The following CNTNAP2 variants were observed in gnomAD, a reference collection of about 807,000 sequenced individuals.
CNTNAP2 encodes contactin-associated protein-like 2.
Under a neutral mutation model 155.2 loss-of-function variants are expected in CNTNAP2, and 98 were observed. That is an observed-to-expected ratio of 0.63 (90% CI 0.54 to 0.75). CNTNAP2 has a LOEUF of 0.75. Ranked by LOEUF, CNTNAP2 falls within the 30% of genes least tolerant of loss-of-function variation. The pLI, the probability that CNTNAP2 is intolerant of heterozygous loss-of-function variation, is 0.00. For missense variants in CNTNAP2, 1,727 were observed against 1,688.1 expected (o/e 1.02, Z -0.40); for synonymous variants, 651 against 631.2 (o/e 1.03, Z -0.47).
chr7:147,414,211 G>A (rs10261599), intron 10 of CNTNAP2, among the ~76,000 whole-genome samples: 9 of 151,736 alleles, frequency 5.9e-5, no homozygotes, highest in Admixed American at 6.6e-5. Context: ...GATCGCTTGC[G>A]ATCAGGAGTT....
At chr7:146,746,308 T>C (rs1005974505) in intron 1 of CNTNAP2, among the ~76,000 whole-genome samples, 2 of 152,320 alleles carry the variant, frequency 1.3e-5, no homozygotes, top group Non-Finnish European at 2.9e-5. Context: ...AAGTATTTTG[T>C]TTCTATTTGC....
At chr7:146,465,308 AG>A (rs1210543472) in intron 1 of CNTNAP2, among the ~76,000 whole-genome samples, 1 of 152,196 alleles carries the variant, frequency 6.6e-6, no homozygotes, top group East Asian at 1.9e-4. Context: ...AAAATGTGGC[AG>A]GGTAGCAAAA....
intron 13 of CNTNAP2, among the ~76,000 whole-genome samples, chr7:147,640,914 G>A (rs1338742996): frequency 6.6e-6 from 1 of 152,152 alleles, no homozygotes; most frequent in Admixed American, 6.5e-5. Context: ...CGTTATTCAC[G>A]TAGCCCAGGG....
chr7:147,509,139 A>G (rs145292957), intron 11 of CNTNAP2, among the ~76,000 whole-genome samples: 1 of 152,164 alleles, frequency 6.6e-6, no homozygotes, highest in East Asian at 1.9e-4. Context: ...TCTTTTACTT[A>G]ATTATCATTG....
intron 13 of CNTNAP2, among the ~76,000 whole-genome samples, chr7:147,640,086 T>G (rs28375513): frequency 0.027 from 4,181 of 152,166 alleles, 194 homozygotes; most frequent in African/African-American, 0.095. Context: ...GTGACTTTGG[T>G]GGAGTGAGTT....
At chr7:147,275,256 A>G (rs1464264268) in intron 8 of CNTNAP2, among the ~76,000 whole-genome samples, 1 of 152,028 alleles carries the variant, frequency 6.6e-6, no homozygotes, top group Non-Finnish European at 1.5e-5. Context: ...GGGGCAGTAT[A>G]GTCATTTTAA....
chr7:147,184,544 C>G (rs1026395932), intron 8 of CNTNAP2, among the ~76,000 whole-genome samples: 8 of 152,150 alleles, frequency 5.3e-5, no homozygotes, highest in African/African-American at 9.7e-5. Flanking sequence ...CTGAACCAGA[C>G]TGAAAACACA....
At chr7:148,085,545 T>C (rs191060035) in intron 15 of CNTNAP2, among the ~76,000 whole-genome samples, 1 of 152,222 alleles carries the variant, frequency 6.6e-6, no homozygotes, top group Non-Finnish European at 1.5e-5. Flanking sequence ...CCCGTGTTTT[T>C]CAGCTCCCAA....
At chr7:147,386,524 G>A (rs899059026) in intron 9 of CNTNAP2, among the ~76,000 whole-genome samples, 2 of 152,058 alleles carry the variant, frequency 1.3e-5, no homozygotes, top group African/African-American at 4.8e-5. Flanking sequence ...AATCTCTAGG[G>A]CAGGGGCAAA....
At chr7:146,503,212 TTTTG>T (rs1262340948) in intron 1 of CNTNAP2, among the ~76,000 whole-genome samples, 14 of 152,204 alleles carry the variant, frequency 9.2e-5, no homozygotes, top group Admixed American at 8.5e-4. Context: ...CATGTAATTT[TTTTG>T]TTTGTTTCTT....
At chr7:146,677,327 G>A (rs1189912266) in intron 1 of CNTNAP2, among the ~76,000 whole-genome samples, 2 of 152,180 alleles carry the variant, frequency 1.3e-5, no homozygotes, top group Non-Finnish European at 1.5e-5. Context: ...GTGATAAGGG[G>A]TTATAGAGAC....
intron 1 of CNTNAP2, among the ~76,000 whole-genome samples, chr7:146,560,614 C>T (rs1798266463): frequency 6.6e-6 from 1 of 151,972 alleles, no homozygotes; most frequent in Non-Finnish European, 1.5e-5. Flanking sequence ...AGAATCCTGC[C>T]ATATTAGAGT....
At chr7:147,883,793 A>G (rs1320563182) in intron 13 of CNTNAP2, among the ~76,000 whole-genome samples, 1 of 152,222 alleles carries the variant, frequency 6.6e-6, no homozygotes, top group African/African-American at 2.4e-5. Context: ...TGAAAAAAGA[A>G]ATAGAATAAT....
chr7:146,762,970 G>T (rs1394252986), intron 1 of CNTNAP2, among the ~76,000 whole-genome samples: 2 of 152,096 alleles, frequency 1.3e-5, no homozygotes, highest in Non-Finnish European at 2.9e-5. Flanking sequence ...TGCGATTTGG[G>T]TGGGGACACT....
At chr7:148,174,731 A>T (rs985918913) in intron 18 of CNTNAP2, among the ~76,000 whole-genome samples, 1 of 152,166 alleles carries the variant, frequency 6.6e-6, no homozygotes, top group African/African-American at 2.4e-5. Flanking sequence ...GAGGATAAAA[A>T]TACTAGTATT....
At chr7:146,630,015 G>T (rs1398386995) in intron 1 of CNTNAP2, among the ~76,000 whole-genome samples, 1 of 151,610 alleles carries the variant, frequency 6.6e-6, no homozygotes, top group Non-Finnish European at 1.5e-5. Context: ...AAGTTCTGGG[G>T]TACATGTGCA....
At chr7:147,665,125 A>C (rs937993681) in intron 13 of CNTNAP2, among the ~76,000 whole-genome samples, 1 of 152,008 alleles carries the variant, frequency 6.6e-6, no homozygotes, top group African/African-American at 2.4e-5. Context: ...ACCCCTTATA[A>C]CCCTTTCTGA....
intron 10 of CNTNAP2, among the ~76,000 whole-genome samples, chr7:147,412,322 C>T (rs1797118224): frequency 6.6e-6 from 1 of 152,144 alleles, no homozygotes; most frequent in South Asian, 2.1e-4. Flanking sequence ...GGGGCCCCTG[C>T]CTGTACTGAT....
chr7:146,534,519 A>G (rs1563123197), intron 1 of CNTNAP2, among the ~76,000 whole-genome samples: 1 of 152,108 alleles, frequency 6.6e-6, no homozygotes, highest in Non-Finnish European at 1.5e-5. Context: ...TGTCTGACCC[A>G]CATAAAAAGA....
Sources: gnomAD v4.1 joint callset for allele counts (sites outside exome capture counted in the v4.1 genomes callset) on GRCh38, gnomAD v4.1.1 for gene constraint, MANE v1.5 for transcripts, NCBI Gene and HGNC (gene_info 2026-07-23, HGNC 2026-07-21) for gene names.